The following WDR70 variants were observed in gnomAD, a reference collection of about 807,000 sequenced individuals.
WDR70 encodes WD repeat domain 70, also known as WD repeat-containing protein 70.
A neutral mutation model predicts 88.6 loss-of-function variants in WDR70; 53 were observed. That is an observed-to-expected ratio of 0.60 (90% CI 0.48 to 0.75). The LOEUF (loss-of-function observed/expected upper bound fraction) is 0.75. WDR70 is among the 30% of genes least tolerant of loss of function. The pLI, the probability that WDR70 is intolerant of heterozygous loss-of-function variation, is 0.00. For synonymous variants in WDR70, 280 were observed against 270.0 expected (o/e 1.04, Z -0.36); for missense variants, 610 against 823.2 (o/e 0.74, Z 3.17).
At chr5:37,467,106 A>G (rs1739173883) in intron 7 of WDR70, among the ~76,000 whole-genome samples, 1 of 151,598 alleles carries the variant, frequency 6.6e-6, no homozygotes, top group South Asian at 2.1e-4. Context: ...GCACGCCTGT[A>G]GTCTGAGCTA....
intron 17 of WDR70, among the ~76,000 whole-genome samples, chr5:37,733,652 G>A (rs1748218469): frequency 6.7e-6 from 1 of 148,608 alleles, no homozygotes; most frequent in Non-Finnish European, 1.5e-5. Flanking sequence ...ATTCTTATGA[G>A]AATGTGTCTA....
chr5:37,500,254 C>G (rs1385102239), intron 8 of WDR70, among the ~76,000 whole-genome samples: 3 of 152,164 alleles, frequency 2.0e-5, no homozygotes, highest in African/African-American at 4.8e-5. Context: ...CAAGTTGATG[C>G]AAAAGACATT....
intron 10 of WDR70, among the ~76,000 whole-genome samples, chr5:37,605,916 T>A (rs1744019862): frequency 6.6e-6 from 1 of 152,166 alleles, no homozygotes; most frequent in Non-Finnish European, 1.5e-5. Context: ...ATGGAATGAG[T>A]CTAGACACCA....
At chr5:37,613,652 C>T (rs531920078) in intron 10 of WDR70, among the ~76,000 whole-genome samples, 2 of 152,260 alleles carry the variant, frequency 1.3e-5, no homozygotes, top group African/African-American at 4.8e-5. Context: ...GTCCTCTCCT[C>T]CTTCTCTGTT....
intron 7 of WDR70, among the ~76,000 whole-genome samples, chr5:37,451,382 A>T (rs531028900): frequency 6.6e-6 from 1 of 152,166 alleles, no homozygotes; most frequent in African/African-American, 2.4e-5. Flanking sequence ...TGGAGATATT[A>T]TGTATCTGTA....
chr5:37,524,054 C>G lies in WDR70; in HGVS notation c.917+7464C>G, dbSNP rs192858268. ...GAATGGAACCAAGTTGGAAAACACT[C>G]TGCAGGATATTATCCAGGAGAACTT... On this transcript the variant is annotated intron_variant, in intron 9 of 17. Coordinates refer to ENST00000265107, the MANE Select transcript of WDR70 (RefSeq NM_018034.4). 4.9e-3 allele frequency among the ~76,000 whole-genome samples: 744 copies of G among 152,322 alleles called. 4 individuals are homozygous for G. Among genetic ancestry groups the G allele is most frequent in the Non-Finnish European group, 9.0e-3 (609 of 68,036 alleles).
intron 4 of WDR70, among the ~76,000 whole-genome samples, chr5:37,393,073 C>T (rs1748894685): frequency 6.6e-6 from 1 of 152,114 alleles, no homozygotes; most frequent in Non-Finnish European, 1.5e-5. Flanking sequence ...GTTGGAGTCT[C>T]ACTCTGTTGC....
intron 17 of WDR70, among the ~76,000 whole-genome samples, chr5:37,748,965 TG>T (rs1748716621): frequency 6.6e-6 from 1 of 152,232 alleles, no homozygotes; most frequent in African/African-American, 2.4e-5. Context: ...CAATAGATGC[TG>T]GCAAGGCTGT....
chr5:37,502,733 G>T lies in WDR70; in HGVS notation c.841-13781G>T, dbSNP rs192998259. Among the ~76,000 whole-genome samples, 421 of 152,326 alleles carry T rather than the reference G, an allele frequency of 2.8e-3. 2 individuals carry two copies. Among genetic ancestry groups the T allele is most frequent in the African/African-American group, 9.7e-3 (402 of 41,574 alleles). ...CATGGCACCAGCATCTGCTTTTGGG[G>T]AGGCCTGGGGAAGCTTTTACTCGTG... On this transcript the variant is annotated intron_variant, in intron 8 of 17. Transcript: ENST00000265107.
chr5:37,613,414 A>G (rs1744243291), intron 10 of WDR70, among the ~76,000 whole-genome samples: 1 of 152,228 alleles, frequency 6.6e-6, no homozygotes, highest in South Asian at 2.1e-4. Context: ...AGCCAGATGC[A>G]TAAATGGTAA....
At position 37,419,432 on chromosome 5, in the gene WDR70, C is replaced by T. The variant is rs1415948350; in HGVS notation, c.493-18490C>T. 2.7e-5 allele frequency among the ~76,000 whole-genome samples: 4 copies of T among 150,778 alleles called. No homozygotes were observed. The East Asian group carries it at 8.1e-4, about 31-fold the overall frequency. On this transcript the variant is annotated intron_variant, in intron 5 of 17. Transcript: ENST00000265107. ...TCTTGGCCAGGCTGGTCTTGAACTC[C>T]TGACCTGGTGATCCACCTGCCTCAG...
intron 10 of WDR70, among the ~76,000 whole-genome samples, chr5:37,677,766 C>G (rs1393136565): frequency 6.6e-6 from 1 of 152,162 alleles, no homozygotes; most frequent in Non-Finnish European, 1.5e-5. Flanking sequence ...TGGTGCAGAG[C>G]TGAGTTCAAT....
intron 9 of WDR70, among the ~76,000 whole-genome samples, chr5:37,566,345 A>G (rs1742740958): frequency 6.6e-6 from 1 of 152,140 alleles, no homozygotes; most frequent in South Asian, 2.1e-4. Flanking sequence ...TAGGTATGAT[A>G]GTATATCATT....
chr5:37,628,528 C>T (rs1178857549), intron 10 of WDR70, among the ~76,000 whole-genome samples: 1 of 152,164 alleles, frequency 6.6e-6, no homozygotes, highest in Non-Finnish European at 1.5e-5. Context: ...ATAAGCATAG[C>T]TACTCCTGCT....
chr5:37,444,279 C>T (rs890495211), intron 7 of WDR70, among the ~76,000 whole-genome samples: 33 of 150,734 alleles, frequency 2.2e-4, no homozygotes, highest in African/African-American at 6.1e-4. Context: ...TAGGTATGGT[C>T]GGCTAGCATT....
At chr5:37,417,679 C>T (rs1472581502) in intron 5 of WDR70, among the ~76,000 whole-genome samples, 1 of 152,118 alleles carries the variant, frequency 6.6e-6, no homozygotes, top group African/African-American at 2.4e-5. Context: ...GCTGAGACTG[C>T]AGGCGTGCAC....
chr5:37,501,000 A>G (rs1179771461), intron 8 of WDR70, among the ~76,000 whole-genome samples: 1 of 152,090 alleles, frequency 6.6e-6, no homozygotes, highest in African/African-American at 2.4e-5. Flanking sequence ...TGGCCTCCCA[A>G]AGTGCTGGGA....
intron 9 of WDR70, among the ~76,000 whole-genome samples, chr5:37,567,617 A>T (rs528007341): frequency 2.5e-4 from 38 of 151,144 alleles, no homozygotes; most frequent in African/African-American, 8.7e-4. Flanking sequence ...TTTGGACATG[A>T]GTTTTGAGCA....
At chr5:37,730,960 C>T (rs998933541) in intron 17 of WDR70, among the ~76,000 whole-genome samples, 2 of 152,068 alleles carry the variant, frequency 1.3e-5, no homozygotes, top group African/African-American at 4.8e-5. Context: ...AGGGTATGTT[C>T]CCAGAGAAAA....
Sources: gnomAD v4.1 joint callset for allele counts (sites outside exome capture counted in the v4.1 genomes callset) on GRCh38, gnomAD v4.1.1 for gene constraint, MANE v1.5 for transcripts, NCBI Gene and HGNC (gene_info 2026-07-23, HGNC 2026-07-21) for gene names.